The following EXOC1 variants were observed in gnomAD, a reference collection of about 807,000 sequenced individuals.
EXOC1 encodes SEC3-like 1.
Under a neutral mutation model 107.7 loss-of-function variants are expected in EXOC1, and 67 were observed. The observed-to-expected ratio is 0.62, with a 90% CI of 0.51 to 0.76. EXOC1 has a LOEUF of 0.76. Among genes scored for constraint, EXOC1 ranks in the 30% least tolerant of loss-of-function variants. EXOC1 has a pLI of 0.00. For missense variants in EXOC1, 833 were observed against 1,055.7 expected (o/e 0.79, Z 2.92); for synonymous variants, 348 against 353.5 (o/e 0.98, Z 0.17).
In EXOC1 at chr4:55,860,518, G is replaced by T; in HGVS notation, c.232G>T (p.Val78Leu). ...IAWALRDLAV[V>L]DAKDAIKENP... ...ATGGGCCCTTCGAGATCTTGCTGTG[G>T]TAGATGCCAAAGATGCTATCAAAGT... The change falls in exon 3 of 19, where the codon GTA (valine) becomes TTA (leucine). Residue 78 changes from valine to leucine, a missense_variant. This residue lies in a region of EXOC1 where 617 missense variants were observed against 701.3 expected (regional missense o/e 0.88). Transcript: ENST00000381295. 1 of 1,613,996 alleles carries T rather than the reference G, an allele frequency of 6.2e-7. No individual in the cohort carries two copies. Among genetic ancestry groups the T allele is most frequent in the Non-Finnish European group, 8.5e-7 (1 of 1,179,894 alleles).
In EXOC1 at chr4:55,877,426, A is replaced by G. The variant is rs184462063; in HGVS notation, c.1075-491A>G. On this transcript the variant is annotated intron_variant, in intron 8 of 18. Transcript: ENST00000381295. ...AGACAGAAGTAAGACTCAGATGACC[A>G]AGGTTCCAATTCCAAGCTCTAAGAC... is the stretch of plus-strand genomic sequence containing the variant. 4.4e-4 allele frequency: 430 copies of G among 985,384 alleles called. 2 individuals are homozygous for G. The African/African-American group carries it at 7.1e-3, about 16-fold the overall frequency. The allele number at this position is 985,384 out of a possible 1,614,324, so 61.0% of individuals were successfully genotyped here. A position where few individuals can be genotyped will look rare whatever the true frequency, so the allele number is the denominator to read the frequency against.
intron 12 of EXOC1, among the ~76,000 whole-genome samples, chr4:55,890,852 C>A (rs553686454): frequency 2.2e-4 from 33 of 152,310 alleles, no homozygotes; most frequent in African/African-American, 7.9e-4. Flanking sequence ...GCCTCCCTCC[C>A]AGGTAGCTGG....
chr4:55,859,783 T>TC (rs1577688575), intron 2 of EXOC1, among the ~76,000 whole-genome samples: 1 of 152,378 alleles, frequency 6.6e-6, no homozygotes, highest in East Asian at 1.9e-4. Flanking sequence ...AACTGCTTTT[T>TC]CATATCATTG....
intron 18 of EXOC1, among the ~76,000 whole-genome samples, chr4:55,903,137 G>A (rs2702344): frequency 0.062 from 8,597 of 137,560 alleles, 397 homozygotes; most frequent in African/African-American, 0.12. Context: ...GAGTGAGGCC[G>A]TGTCTCAATT....
At chr4:55,892,499 A>G in intron 13 of EXOC1, 136 bp from the exon 14 acceptor site, 1 of 676,966 alleles carries the variant, frequency 1.5e-6, no homozygotes, top group East Asian at 2.7e-5. Context: ...TAGCTTTATC[A>G]TAATGCTACC....
rs752236176 is a variant in EXOC1, at chr4:55,896,723, CA to C, written c.1963del (p.Ile655Ter). 1.2e-5 allele frequency: 19 copies of C among 1,599,950 alleles called. No homozygotes were observed. The Admixed American group carries it at 3.4e-4, about 28-fold the overall frequency. ...KRNFDKCISN[Q>X]IRQMEEVKIS... ...GCTCTCTGCCTAACTTTAGAGTAAC[CA>C]AATAAGGCAAATGGAAGAAGTAAAG... On this transcript the variant is annotated frameshift_variant, in exon 16 of 19. Transcript: ENST00000381295. LOFTEE classifies it high-confidence loss of function.
chr4:55,893,638 T>C lies in EXOC1; in HGVS notation c.1811T>C (p.Ile604Thr). The change falls in exon 15 of 19, where the codon ATT becomes ACT. Residue 604 changes from isoleucine to threonine, a missense_variant. This residue lies in a region of EXOC1 where 216 missense variants were observed against 354.4 expected (regional missense o/e 0.61). Coordinates refer to ENST00000381295, the MANE Select transcript of EXOC1 (RefSeq NM_001024924.2). ...AACCTAATTGCATTAGGAGACAAAA[T>C]TGATAGCTTTAACTCTCTTTATATG... ...LNNLIALGDKIDSFNSLYMLV... is the reference protein window; with the variant it reads ...LNNLIALGDKTDSFNSLYMLV... 6.2e-7 allele frequency: 1 copy of C among 1,614,108 alleles called. No individual in the cohort carries two copies. Among genetic ancestry groups the C allele is most frequent in the South Asian group, 1.1e-5 (1 of 91,082 alleles).
At position 55,864,362 on chromosome 4, in the gene EXOC1, A is replaced by G. The variant is rs764529701; in HGVS notation, c.391A>G (p.Asn131Asp). The G allele has an allele frequency of 6.2e-7, 1 of 1,609,450 alleles. No homozygotes were observed. Among genetic ancestry groups the G allele is most frequent in the Admixed American group, 1.7e-5 (1 of 59,454 alleles). Residue 131 changes from asparagine to aspartate, a missense_variant, in exon 4 of 19, where the codon AAT becomes GAT. Asn to Asp is a conservative substitution (Grantham distance 23). Around this residue, in one of 2 missense-constraint regions of EXOC1, gnomAD observed 617 missense variants for 701.3 expected, o/e 0.88. Coordinates refer to ENST00000381295, the MANE Select transcript of EXOC1 (RefSeq NM_001024924.2). ...RYLRKKIDFVNVSSQLLEESV... is the reference protein window; with the variant it reads ...RYLRKKIDFVDVSSQLLEESV... ...TCTCCGGAAGAAAATTGATTTTGTC[A>G]ATGTTAGCTCACAGCTTTTGGAAGG...
intron 15 of EXOC1, among the ~76,000 whole-genome samples, chr4:55,894,356 C>G (rs1457339190): frequency 6.6e-6 from 1 of 151,028 alleles, no homozygotes; most frequent in Non-Finnish European, 1.5e-5. Flanking sequence ...TACCGAATCA[C>G]TGACATCTCA....
At chr4:55,860,622 T>G in intron 3 of EXOC1, 81 bp downstream of exon 3, 1 of 1,490,634 alleles carries the variant, frequency 6.7e-7, no homozygotes, top group Non-Finnish European at 9.1e-7. Flanking sequence ...TCTAAAATGA[T>G]CTAAAAACAA....
chr4:55,879,354 A>G (rs1343258886), intron 9 of EXOC1, among the ~76,000 whole-genome samples: 2 of 152,218 alleles, frequency 1.3e-5, no homozygotes, highest in Non-Finnish European at 2.9e-5. Flanking sequence ...AAGGATTTCC[A>G]GAGGAGAGCT....
intron 1 of EXOC1, 110 bp from the exon 2 acceptor site, chr4:55,858,204 C>A: frequency 9.1e-7 from 1 of 1,095,640 alleles, no homozygotes; most frequent in Non-Finnish European, 1.3e-6. Flanking sequence ...TATATTAAAT[C>A]ATTTTTCCTA....
rs754500537 is a variant in EXOC1, at chr4:55,891,991, TGA to T, written c.1647+575_1647+576del. Among the ~76,000 whole-genome samples, 20 of 152,274 alleles carry T rather than the reference TGA, an allele frequency of 1.3e-4. No individual in the cohort carries two copies. In the South Asian group the frequency reaches 2.7e-3, roughly 20 times the overall value. On this transcript the variant is annotated intron_variant, in intron 13 of 18. Coordinates refer to ENST00000381295, the MANE Select transcript of EXOC1 (RefSeq NM_001024924.2). ...GTAGCATACATATAAGAGAATAAGA[TGA>T]GAGAGTTTCTTGAGTATTTTGAAGA...
chr4:55,890,166 T>A (rs1724351754), intron 11 of EXOC1, 57 bp from the exon 12 acceptor site: 9 of 1,546,486 alleles, frequency 5.8e-6, no homozygotes, highest in Non-Finnish European at 8.0e-6. Flanking sequence ...CCCTGCTTTA[T>A]ACTTTGGATC....
chr4:55,894,324 CAAAAAAAAAAA>C (rs200900566), intron 15 of EXOC1, among the ~76,000 whole-genome samples: 1 of 80,096 alleles, frequency 1.2e-5, no homozygotes, highest in Admixed American at 1.3e-4. Context: ...AAGACTGTGT[CAAAAAAAAAAA>C]AAAAAAAATC....
intron 3 of EXOC1, among the ~76,000 whole-genome samples, chr4:55,860,817 T>C (rs1222725525): frequency 1.3e-5 from 2 of 152,110 alleles, no homozygotes; most frequent in Non-Finnish European, 2.9e-5. Flanking sequence ...ATGAGTTTTT[T>C]TTGCTTGTTT....
rs745340721 is a variant in EXOC1 at position 55,896,843 on chromosome 4, C to T, written c.2080C>T (p.Arg694Cys). The change falls in exon 16 of 19, where the codon CGT (arginine) becomes TGT (cysteine). Residue 694 changes from arginine to cysteine, a missense_variant. Physicochemically the swap from Arg to Cys is radical, Grantham distance 180. Transcript: ENST00000381295. ...AGAATCAATCTTCAAAAATGCTGAG[C>T]GTCGTGGAGACCTGGATAAAGCATA... ...LAESIFKNAE[R>C]RGDLDKAYTK... 2 of 1,610,952 alleles carry T rather than the reference C, an allele frequency of 1.2e-6. No individual in the cohort carries two copies. Among genetic ancestry groups the T allele is most frequent in the Non-Finnish European group, 1.7e-6 (2 of 1,179,046 alleles).
At chr4:55,864,701 A>G (rs1293636831) in intron 4 of EXOC1, among the ~76,000 whole-genome samples, 1 of 152,224 alleles carries the variant, frequency 6.6e-6, no homozygotes, top group Admixed American at 6.5e-5. Context: ...ATACTTTTTC[A>G]TATAATGTAT....
chr4:55,882,207 C>G (rs972459616), intron 9 of EXOC1, among the ~76,000 whole-genome samples: 1 of 152,008 alleles, frequency 6.6e-6, no homozygotes, highest in Non-Finnish European at 1.5e-5. Flanking sequence ...GTGATGTGAT[C>G]ACAGCTCACT....
Sources: gnomAD v4.1 joint callset for allele counts (sites outside exome capture counted in the v4.1 genomes callset) on GRCh38, gnomAD v4.1.1 for gene constraint, gnomAD v4.1.1 regional missense constraint, MANE v1.5 for transcripts, NCBI Gene and HGNC (gene_info 2026-07-23, HGNC 2026-07-21) for gene names.